Variants in DLGAP4 observed in about 807,000 individuals in gnomAD.
DLGAP4 encodes the protein DLG associated protein 4.
A neutral mutation model predicts 86.9 loss-of-function variants in DLGAP4; 18 were observed. That is an observed-to-expected ratio of 0.21 (90% CI 0.14 to 0.31). The LOEUF (loss-of-function observed/expected upper bound fraction) is 0.31, where lower values mean the gene tolerates loss of function less well. Among genes scored for constraint, DLGAP4 ranks in the 10% least tolerant of loss-of-function variants. DLGAP4 has a pLI of 1.00. For missense variants in DLGAP4, 1,085 were observed against 1,362.6 expected (o/e 0.80, Z 3.21); for synonymous variants, 548 against 574.3 (o/e 0.95, Z 0.65).
At chr20:36,341,871 A>T (rs1318835769) in intron 1 of DLGAP4, among the ~76,000 whole-genome samples, 2 of 152,204 alleles carry the variant, frequency 1.3e-5, no homozygotes, top group Non-Finnish European at 2.9e-5. Flanking sequence ...CCCAGCACTC[A>T]GTGGGCACCA....
In DLGAP4 at chr20:36,525,856, T is replaced by C. The variant is rs553936762; in HGVS notation, c.2610T>C (p.Pro870=). ...GATCCCCATCTGGCCCACAGAACCC[T>C]GATGCCAACCCACGCCCCACAGCCC... is the stretch of plus-strand genomic sequence containing the variant. The part of the protein sequence containing the change: ...FRGLCEQNLN[P]DANPRPTAQD... The change falls in exon 12 of 13, where the codon CCT becomes CCC. Residue 870 remains proline (P), a synonymous_variant. Transcript: ENST00000339266. 3 of 1,613,262 alleles carry C rather than the reference T, an allele frequency of 1.9e-6. No individual in the cohort carries two copies. The highest frequency in any genetic ancestry group is 1.3e-5 in the African/African-American group (1 of 74,972).
At chr20:36,309,373 G>A (rs979783398) in intron 1 of DLGAP4, among the ~76,000 whole-genome samples, 169 of 152,304 alleles carry the variant, frequency 1.1e-3, no homozygotes, top group African/African-American at 3.9e-3. Context: ...TTGGCTCAAC[G>A]TGTGCACTCA....
chr20:36,356,879 C>T (rs571840521), intron 1 of DLGAP4, among the ~76,000 whole-genome samples: 1 of 152,170 alleles, frequency 6.6e-6, no homozygotes, highest in East Asian at 1.9e-4. Context: ...ATCCCTGAAT[C>T]CTCCCTCTAC....
At chr20:36,371,545 G>A (rs1010530099) in intron 2 of DLGAP4, among the ~76,000 whole-genome samples, 1 of 152,216 alleles carries the variant, frequency 6.6e-6, no homozygotes, top group African/African-American at 2.4e-5. Context: ...AAAGGATGAC[G>A]TGCATCCAGC....
chr20:36,409,650 G>A (rs2032432693), intron 2 of DLGAP4, among the ~76,000 whole-genome samples: 1 of 150,702 alleles, frequency 6.6e-6, no homozygotes, highest in African/African-American at 2.4e-5. Flanking sequence ...AGGAGACAGA[G>A]GTTGCAGTGA....
chr20:36,366,601 T>A (rs777203309), intron 1 of DLGAP4, among the ~76,000 whole-genome samples: 4 of 152,182 alleles, frequency 2.6e-5, no homozygotes, highest in Non-Finnish European at 4.4e-5. Context: ...GTGGGGAAAC[T>A]GAGGCTCAGA....
At position 36,500,650 on chromosome 20, in the gene DLGAP4, G is replaced by A; in HGVS notation, c.2512+39G>A. ...GGATGGTCCTTGGGCAAGGGTAGAA[G>A]GTGTTGGCAGCTGGTTTCAGCTGGT... On this transcript the variant is annotated intron_variant, in intron 10 of 12. Coordinates refer to ENST00000339266, the MANE Select transcript of DLGAP4 (RefSeq NM_001365621.2). The surrounding 1 kb of genome is among the most constrained non-coding windows in gnomAD (Gnocchi z 4.6). The A allele has an allele frequency of 7.1e-7, 1 of 1,411,200 alleles. No individual in the cohort carries two copies. The allele number at this position is 1,411,200 out of a possible 1,614,324, so 87.4% of individuals were successfully genotyped here. A position where few individuals can be genotyped will look rare whatever the true frequency, so the allele number is the denominator to read the frequency against.
chr20:36,411,312 G>A (rs1459944176), intron 2 of DLGAP4, among the ~76,000 whole-genome samples: 2 of 151,986 alleles, frequency 1.3e-5, no homozygotes, highest in African/African-American at 4.8e-5. Flanking sequence ...CTTGTCTGAG[G>A]GTCTGCTTCT....
intron 2 of DLGAP4, among the ~76,000 whole-genome samples, chr20:36,401,819 G>A (rs2032169931): frequency 6.6e-6 from 1 of 152,234 alleles, no homozygotes; most frequent in South Asian, 2.1e-4. Context: ...AAGGATCAGG[G>A]AAGGCCTCCC....
chr20:36,386,942 G>C (rs146640105), intron 2 of DLGAP4, among the ~76,000 whole-genome samples: 1 of 152,030 alleles, frequency 6.6e-6, no homozygotes, highest in African/African-American at 2.4e-5. Flanking sequence ...GCTGTAGCTC[G>C]TTCATTTTTT....
chr20:36,498,969 A>G (rs2036002873), intron 8 of DLGAP4: 2 of 433,638 alleles, frequency 4.6e-6, no homozygotes. Flanking sequence ...GCTAAAGGTA[A>G]CCTCAGCCAA....
chr20:36,418,077 GC>G lies in DLGAP4; in HGVS notation c.-72-13566del, dbSNP rs1184072777. On this transcript the variant is annotated intron_variant, in intron 2 of 12. Coordinates refer to ENST00000339266, the MANE Select transcript of DLGAP4 (RefSeq NM_001365621.2). ...TGGGATTATAGGCGTGAGCCACCGC[GC>G]CCGGCCTCATTTGGTTGTGTGTGTG... Among the ~76,000 whole-genome samples, 4 of 151,150 alleles carry G rather than the reference GC, an allele frequency of 2.6e-5. No individual in the cohort carries two copies. The East Asian group carries it at 5.9e-4, about 22-fold the overall frequency.
At chr20:36,323,640 G>A (rs2065190776) in intron 1 of DLGAP4, among the ~76,000 whole-genome samples, 1 of 152,128 alleles carries the variant, frequency 6.6e-6, no homozygotes, top group South Asian at 2.1e-4. Flanking sequence ...TTATTCTGTG[G>A]GTTGTCTCTT....
intron 7 of DLGAP4, among the ~76,000 whole-genome samples, chr20:36,463,407 G>A (rs2034190477): frequency 6.6e-6 from 1 of 151,922 alleles, no homozygotes; most frequent in Admixed American, 6.5e-5. Context: ...CTTGCCCAAG[G>A]GTAAACAGCT....
intron 10 of DLGAP4, among the ~76,000 whole-genome samples, chr20:36,516,591 G>A (rs991826209): frequency 7.9e-5 from 12 of 151,284 alleles, no homozygotes; most frequent in African/African-American, 2.7e-4. Context: ...ACTTGAACCC[G>A]GGAGGCAGAG....
At chr20:36,465,755 C>A (rs1456630183) in intron 7 of DLGAP4, among the ~76,000 whole-genome samples, 1 of 152,196 alleles carries the variant, frequency 6.6e-6, no homozygotes, top group East Asian at 1.9e-4. Context: ...CCCAGAAGCT[C>A]AGATGGGCTC....
Position 36,352,063 on chromosome 20 carries a change from G to A in DLGAP4, c.-303-14982G>A, listed in dbSNP as rs141677155. ...GAGGTGACAGCTACAGAAGCTCAGG[G>A]GAATGAGGGAGGGAGAGAACCCCGG... On this transcript the variant is annotated intron_variant, in intron 1 of 12. Coordinates refer to ENST00000339266, the MANE Select transcript of DLGAP4 (RefSeq NM_001365621.2). Among the ~76,000 whole-genome samples, 301 of 152,280 alleles carry A rather than the reference G, an allele frequency of 2.0e-3. 1 individual carries two copies. The highest frequency in any genetic ancestry group is 7.0e-3 in the African/African-American group (290 of 41,540).
intron 7 of DLGAP4, among the ~76,000 whole-genome samples, chr20:36,460,178 T>C (rs1056411906): frequency 9.2e-5 from 14 of 152,132 alleles, no homozygotes; most frequent in Non-Finnish European, 2.1e-4. Flanking sequence ...CTTGTTTTTT[T>C]CCTAAGTAAA....
intron 1 of DLGAP4, among the ~76,000 whole-genome samples, chr20:36,317,268 T>A (rs2065113331): frequency 2.9e-5 from 1 of 34,042 alleles, no homozygotes; most frequent in Non-Finnish European, 4.8e-5. Flanking sequence ...TCTTTCTTTC[T>A]TTCTTTCTTA....
Sources: gnomAD v4.1 joint callset for allele counts (sites outside exome capture counted in the v4.1 genomes callset) on GRCh38, gnomAD v4.1.1 for gene constraint, Gnocchi (gnomAD v3.1) non-coding constraint, MANE v1.5 for transcripts, NCBI Gene and HGNC (gene_info 2026-07-23, HGNC 2026-07-21) for gene names.